Variants in BCAS3 observed in about 807,000 individuals in gnomAD.
The protein encoded by BCAS3 is BCAS3 microtubule associated cell migration factor.
Under a neutral mutation model 116.1 loss-of-function variants are expected in BCAS3, and 53 were observed. The ratio of observed to expected loss-of-function variants is 0.46; its 90% confidence interval spans 0.37 to 0.57. The LOEUF (loss-of-function observed/expected upper bound fraction) is 0.57. Among genes scored for constraint, BCAS3 ranks in the 20% least tolerant of loss-of-function variants. The pLI is 0.00. For missense variants in BCAS3, 917 were observed against 1,165.4 expected (o/e 0.79, Z 3.10); for synonymous variants, 391 against 408.2 (o/e 0.96, Z 0.51).
intron 22 of BCAS3, among the ~76,000 whole-genome samples, chr17:61,085,930 G>A (rs1422834892): frequency 6.6e-6 from 1 of 152,138 alleles, no homozygotes; most frequent in Admixed American, 6.5e-5. Context: ...AGTAGGCCTT[G>A]ATTGGGCTTT....
intron 4 of BCAS3, among the ~76,000 whole-genome samples, chr17:60,698,868 C>T (rs534628704): frequency 3.9e-5 from 6 of 152,216 alleles, no homozygotes; most frequent in Non-Finnish European, 8.8e-5. Context: ...CCAGCCTGGC[C>T]AACATGGTGA....
intron 6 of BCAS3, among the ~76,000 whole-genome samples, chr17:60,779,927 G>C (rs2045647935): frequency 6.6e-6 from 1 of 151,980 alleles, no homozygotes. Flanking sequence ...GATCACTGGA[G>C]CTTGGTGTCT....
rs140628489 is a variant in BCAS3 at position 60,705,240 on chromosome 17, C to T, written c.215-3979C>T. Among the ~76,000 whole-genome samples the T allele has an allele frequency of 3.8e-3, 571 of 152,156 alleles. 8 individuals are homozygous for T. The highest frequency in any genetic ancestry group is 0.013 in the African/African-American group (535 of 41,536). On this transcript the variant is annotated intron_variant, in intron 4 of 23. Coordinates refer to ENST00000407086, the MANE Select transcript of BCAS3 (RefSeq NM_017679.5). ...CATCAAGAAAGTCATGAAAGAGGGC[C>T]GGGCATGGTGGCTCATCCCTGTAAT...
At chr17:61,314,018 A>G (rs3785856) in intron 22 of BCAS3, among the ~76,000 whole-genome samples, 118,877 of 152,128 alleles carry the variant, frequency 0.78, 46,575 homozygotes, top group East Asian at 0.85. Context: ...CTGCCCAACA[A>G]TTTATCTTGC....
At chr17:60,771,235 C>T (rs531001835) in intron 6 of BCAS3, among the ~76,000 whole-genome samples, 3 of 151,532 alleles carry the variant, frequency 2.0e-5, no homozygotes, top group Non-Finnish European at 4.4e-5. Context: ...AGCTTCGTTT[C>T]TATTTTTTTT....
intron 13 of BCAS3, among the ~76,000 whole-genome samples, chr17:60,928,187 A>T (rs1009928185): frequency 1.6e-4 from 24 of 152,212 alleles, no homozygotes; most frequent in African/African-American, 5.8e-4. Flanking sequence ...ATGCACAAAC[A>T]GGGTCTTAAG....
intron 22 of BCAS3, among the ~76,000 whole-genome samples, chr17:61,297,044 T>C (rs1302824766): frequency 1.3e-5 from 2 of 152,180 alleles, no homozygotes; most frequent in Non-Finnish European, 2.9e-5. Flanking sequence ...GGGGTGAGAC[T>C]GGATCCAGGA....
chr17:61,338,598 T>A (rs1337593375), intron 22 of BCAS3, among the ~76,000 whole-genome samples: 1 of 152,062 alleles, frequency 6.6e-6, no homozygotes, highest in Non-Finnish European at 1.5e-5. Flanking sequence ...TGTTCTGGCA[T>A]TGTTTGCCGA....
rs2079776219 is a variant in BCAS3, at chr17:61,186,386, A to G, written c.2425+101822A>G. 6.6e-6 allele frequency among the ~76,000 whole-genome samples: 1 copy of G among 152,064 alleles called. No individual in the cohort carries two copies. Among genetic ancestry groups the G allele is most frequent in the African/African-American group, 2.4e-5 (1 of 41,404 alleles). On this transcript the variant is annotated intron_variant, in intron 22 of 23. Transcript: ENST00000407086. This position sits in a 1 kb window ranked among gnomAD's most constrained non-coding sequence, Gnocchi z 4.9. ...ATACTGCTTAACGAAAACATTTTTA[A>G]CCTGTGTGTTGATTTTATTACAATT...
intron 22 of BCAS3, among the ~76,000 whole-genome samples, chr17:61,255,202 C>T (rs1240107826): frequency 3.3e-5 from 5 of 152,134 alleles, no homozygotes; most frequent in East Asian, 3.9e-4. Flanking sequence ...CATCTCTATC[C>T]GAGAGTTAAG....
rs935310625 is a variant in BCAS3 at position 61,251,107 on chromosome 17, C to T, written c.2426-117220C>T. Among the ~76,000 whole-genome samples, 1 of 152,184 alleles carries T rather than the reference C, an allele frequency of 6.6e-6. No individual in the cohort carries two copies. Among genetic ancestry groups the T allele is most frequent in the African/African-American group, 2.4e-5 (1 of 41,446 alleles). On this transcript the variant is annotated intron_variant, in intron 22 of 23. Coordinates refer to ENST00000407086, the MANE Select transcript of BCAS3 (RefSeq NM_017679.5). The surrounding 1 kb of genome is among the most constrained non-coding windows in gnomAD (Gnocchi z 4.7). Reference sequence around the variant, plus strand: ...AAAGGTCATTTCATTTCCTGTGAGCCAGTCTTACATCACTGGTGCAAGAAT... The same window carrying T: ...AAAGGTCATTTCATTTCCTGTGAGCTAGTCTTACATCACTGGTGCAAGAAT...
chr17:60,723,707 C>CTTTT, intron 5 of BCAS3, among the ~76,000 whole-genome samples: 1 of 125,164 alleles, frequency 8.0e-6, no homozygotes, highest in African/African-American at 3.0e-5. Context: ...TTTTCACTTT[C>CTTTT]TTTCTTTTTT....
intron 23 of BCAS3, chr17:61,389,974 G>A (rs1333458248): frequency 2.0e-5 from 3 of 152,320 alleles, no homozygotes. Context: ...GTAAAAAGGG[G>A]CCAGCCTTCC....
chr17:61,127,138 A>G (rs1239381469), intron 22 of BCAS3, among the ~76,000 whole-genome samples: 1 of 152,138 alleles, frequency 6.6e-6, no homozygotes, highest in East Asian at 1.9e-4. Flanking sequence ...TGACATTTTC[A>G]TGGGTAATAT....
intron 4 of BCAS3, among the ~76,000 whole-genome samples, chr17:60,703,476 C>G (rs1011355450): frequency 6.6e-6 from 1 of 151,600 alleles, no homozygotes; most frequent in South Asian, 2.1e-4. Context: ...GGCAGGAGAT[C>G]GCTTGAGCTT....
intron 22 of BCAS3, among the ~76,000 whole-genome samples, chr17:61,263,608 G>T (rs2049413372): frequency 6.6e-6 from 1 of 152,204 alleles, no homozygotes; most frequent in South Asian, 2.1e-4. Flanking sequence ...ATTTTTCAAG[G>T]TGATCTTGAA....
At chr17:60,859,980 A>G (rs2054021810) in intron 7 of BCAS3, among the ~76,000 whole-genome samples, 1 of 152,180 alleles carries the variant, frequency 6.6e-6, no homozygotes, top group East Asian at 1.9e-4. Flanking sequence ...ATGTGTCTTT[A>G]TGGTAGAATG....
intron 22 of BCAS3, among the ~76,000 whole-genome samples, chr17:61,280,727 A>C (rs924230457): frequency 1.3e-5 from 2 of 152,034 alleles, no homozygotes; most frequent in African/African-American, 4.8e-5. Context: ...GCAAGAAGTG[A>C]CCCCCTCCAA....
chr17:60,892,613 T>C (rs1011533707), intron 10 of BCAS3, among the ~76,000 whole-genome samples: 1 of 151,758 alleles, frequency 6.6e-6, no homozygotes, highest in African/African-American at 2.4e-5. Context: ...CCGGCCGTTT[T>C]TGGCTTTTTA....
Sources: gnomAD v4.1 joint callset for allele counts (sites outside exome capture counted in the v4.1 genomes callset) on GRCh38, gnomAD v4.1.1 for gene constraint, Gnocchi (gnomAD v3.1) non-coding constraint, MANE v1.5 for transcripts, NCBI Gene and HGNC (gene_info 2026-07-23, HGNC 2026-07-21) for gene names.